The following ZNF264 variants were observed in gnomAD, a reference collection of about 807,000 sequenced individuals.
ZNF264 encodes zinc finger protein 264.
ZNF264 carries 11 observed loss-of-function variants against 11.2 expected under a neutral mutation model. The observed-to-expected ratio is 0.98, with a 90% CI of 0.62 to 1.63. The LOEUF is 1.63. ZNF264 is among the 40% of genes most tolerant of loss of function. ZNF264 has a pLI of 0.00. For missense variants in ZNF264, 752 were observed against 768.1 expected (o/e 0.98, Z 0.25); for synonymous variants, 309 against 279.8 (o/e 1.10, Z -1.04).
At position 57,217,949 on chromosome 19, in the gene ZNF264, A is replaced by C. The variant is rs558907293; in HGVS notation, c.*4968A>C. 1 of 150,048 alleles carries C rather than the reference A, an allele frequency of 6.7e-6. No individual in the cohort carries two copies. The highest frequency in any genetic ancestry group is 2.1e-4 in the South Asian group (1 of 4,714). 9.3% of individuals were successfully genotyped at this position (150,048 alleles called of 1,614,324 possible). On this transcript the variant is annotated 3_prime_UTR_variant, in exon 4 of 4. Transcript: ENST00000263095. ...TGGGATTACAGGTGTGCGCCGCCAC[A>C]CCCAGCTAATTTTGTATTTTTAGTA...
At chr19:57,211,333 T>G in intron 3 of ZNF264, 21 bp from the exon 4 acceptor site, 1 of 1,573,382 alleles carries the variant, frequency 6.4e-7, no homozygotes, top group South Asian at 1.2e-5. Flanking sequence ...CAGGCCCTTT[T>G]GTGTGCTGGA....
chr19:57,213,860 A>G lies in ZNF264; in HGVS notation c.*879A>G, dbSNP rs2087360067. 1 of 152,166 alleles carries G rather than the reference A, an allele frequency of 6.6e-6. No homozygotes were observed. The highest frequency in any genetic ancestry group is 1.5e-5 in the Non-Finnish European group (1 of 68,034). The allele number at this position is 152,166 out of a possible 1,614,324, so 9.4% of individuals were successfully genotyped here. On this transcript the variant is annotated 3_prime_UTR_variant, in exon 4 of 4. Coordinates refer to ENST00000263095, the MANE Select transcript of ZNF264 (RefSeq NM_003417.5). The stretch of plus-strand genomic sequence containing the variant: ...AGTGCAGGAGTAGGCCTCTTAATTT[A>G]TAATAGTTAAGCATTCCTTAAAGTA...
intron 2 of ZNF264, among the ~76,000 whole-genome samples, chr19:57,203,706 G>A (rs1222731421): frequency 6.6e-6 from 1 of 152,080 alleles, no homozygotes; most frequent in Non-Finnish European, 1.5e-5. Context: ...AAATGCAGAG[G>A]TCTGGAATCA....
chr19:57,212,458 C>T lies in ZNF264; in HGVS notation c.1361C>T (p.Pro454Leu). The T allele has an allele frequency of 6.2e-7, 1 of 1,614,118 alleles. No homozygotes were observed. Among genetic ancestry groups the T allele is most frequent in the Non-Finnish European group, 8.5e-7 (1 of 1,180,036 alleles). ...AAAAGGGCCCACACTGGAGAAAAGCCTTTCGAGTGCAAAGAGTGTGGGAAA... is the reference window on the plus strand; with the variant it reads ...AAAAGGGCCCACACTGGAGAAAAGCTTTTCGAGTGCAAAGAGTGTGGGAAA... The part of the protein sequence containing the change: ...LHKRAHTGEK[P>L]FECKECGKAF... The change falls in exon 4 of 4, where the codon CCT becomes CTT. Residue 454 changes from proline (P) to leucine (L), a missense_variant. By Grantham distance (98) the Pro-to-Leu change is moderately conservative. Transcript: ENST00000263095.
chr19:57,194,083 C>T, intron 2 of ZNF264, 82 bp downstream of exon 2: 2 of 1,519,704 alleles, frequency 1.3e-6, no homozygotes, highest in Non-Finnish European at 1.8e-6. Flanking sequence ...CCTGGCTGCA[C>T]AAGAAGGCCT....
rs879841161 is a variant in ZNF264, at chr19:57,222,139, A to G, written c.*9158A>G. On this transcript the variant is annotated 3_prime_UTR_variant, in exon 4 of 4. Transcript: ENST00000263095. The stretch of plus-strand genomic sequence containing the variant: ...TGAGGCGGGTGGATCACTTGAGGTC[A>G]GGAGTTTGAGACCAGCCTAGCCAAC... 6.6e-6 allele frequency: 1 copy of G among 152,050 alleles called. No individual in the cohort carries two copies. Among genetic ancestry groups the G allele is most frequent in the Admixed American group, 6.6e-5 (1 of 15,240 alleles). The allele number at this position is 152,050 out of a possible 1,614,324, so 9.4% of individuals were successfully genotyped here.
rs953704575 is a variant in ZNF264 at position 57,217,690 on chromosome 19, G to C, written c.*4709G>C. 1 of 151,702 alleles carries C rather than the reference G, an allele frequency of 6.6e-6. No individual in the cohort carries two copies. Among genetic ancestry groups the C allele is most frequent in the African/African-American group, 2.4e-5 (1 of 41,262 alleles). 9.4% of individuals were successfully genotyped at this position (151,702 alleles called of 1,614,324 possible). ...GGCCCCCCAAAGTGCTGGGGTTACA[G>C]GTGTGAGCCACTGCACCCGGCCACA... On this transcript the variant is annotated 3_prime_UTR_variant, in exon 4 of 4. Transcript: ENST00000263095.
chr19:57,192,736 CT>C (rs11423777), intron 1 of ZNF264, among the ~76,000 whole-genome samples: 2 of 151,366 alleles, frequency 1.3e-5, no homozygotes, highest in African/African-American at 4.9e-5. Context: ...TGTTCACATA[CT>C]TTTTTTTGTT....
rs888506565 is a variant in ZNF264 at position 57,216,344 on chromosome 19, C to A, written c.*3363C>A. 6.6e-6 allele frequency: 1 copy of A among 152,282 alleles called. No homozygotes were observed. Among genetic ancestry groups the A allele is most frequent in the Non-Finnish European group, 1.5e-5 (1 of 68,102 alleles). 9.4% of individuals were successfully genotyped at this position (152,282 alleles called of 1,614,324 possible). ...CCAGCCTGGGCAACAGAGCGAGACT[C>A]TGTCTCAACAACAACAACAAAAAGT... On this transcript the variant is annotated 3_prime_UTR_variant, in exon 4 of 4. Coordinates refer to ENST00000263095, the MANE Select transcript of ZNF264 (RefSeq NM_003417.5).
At chr19:57,206,637 G>A (rs113647384) in intron 3 of ZNF264, among the ~76,000 whole-genome samples, 2,664 of 152,174 alleles carry the variant, frequency 0.018, 84 homozygotes, top group African/African-American at 0.06. Flanking sequence ...TGACTCATCC[G>A]AATGTCATTA....
chr19:57,207,013 T>C (rs1482271354), intron 3 of ZNF264, among the ~76,000 whole-genome samples: 1 of 143,884 alleles, frequency 7.0e-6, no homozygotes, highest in Non-Finnish European at 1.5e-5. Context: ...GTGCAGTCCC[T>C]GTTCAGCCCT....
chr19:57,207,545 C>CTTTTTTTTTTTTTTTTTTTTTTT (rs757880568), intron 3 of ZNF264, among the ~76,000 whole-genome samples: 7 of 103,078 alleles, frequency 6.8e-5, no homozygotes, highest in East Asian at 2.6e-4. Context: ...TTTTTCTTTT[C>CTTTTTTTTTTTTTTTTTTTTTTT]TTTTTTTTTT....
At chr19:57,209,510 C>A (rs768381844) in intron 3 of ZNF264, among the ~76,000 whole-genome samples, 1 of 152,070 alleles carries the variant, frequency 6.6e-6, no homozygotes, top group African/African-American at 2.4e-5. Flanking sequence ...CTTCATTGAT[C>A]TAGATCATCT....
intron 2 of ZNF264, among the ~76,000 whole-genome samples, chr19:57,199,350 C>T (rs1018530355): frequency 5.1e-4 from 77 of 151,842 alleles, no homozygotes; most frequent in Admixed American, 2.0e-4. Context: ...ATGGACCCTC[C>T]CAGCTGGGAT....
At chr19:57,206,671 G>T (rs2122755926) in intron 3 of ZNF264, among the ~76,000 whole-genome samples, 1 of 150,290 alleles carries the variant, frequency 6.7e-6, no homozygotes, top group South Asian at 2.1e-4. Context: ...GTGATGCTAT[G>T]TTACATTTCC....
chr19:57,199,950 T>C (rs750574882), intron 2 of ZNF264, among the ~76,000 whole-genome samples: 1 of 151,342 alleles, frequency 6.6e-6, no homozygotes, highest in African/African-American at 2.4e-5. Context: ...GTTGCCACTA[T>C]TGGGGATGCC....
intron 2 of ZNF264, 130 bp downstream of exon 2, chr19:57,194,131 A>G: frequency 2.3e-6 from 3 of 1,320,486 alleles, no homozygotes; most frequent in Non-Finnish European, 3.1e-6. Flanking sequence ...AGCTTTAGTC[A>G]TTTTCCACAG....
intron 2 of ZNF264, among the ~76,000 whole-genome samples, chr19:57,200,618 G>A (rs1464234024): frequency 2.0e-5 from 3 of 149,546 alleles, no homozygotes; most frequent in South Asian, 2.1e-4. Flanking sequence ...CTTTTCTTTC[G>A]TTTTCTTTTC....
chr19:57,203,721 AC>A (rs2087270301), intron 2 of ZNF264, among the ~76,000 whole-genome samples: 2 of 152,192 alleles, frequency 1.3e-5, no homozygotes, highest in South Asian at 4.2e-4. Flanking sequence ...GAATCACTGA[AC>A]CTGCCCCTCC....
Sources: allele counts gnomAD v4.1 joint callset (sites outside exome capture counted in the v4.1 genomes callset), GRCh38; gene constraint gnomAD v4.1.1; transcripts MANE v1.5; gene names NCBI Gene and HGNC (gene_info 2026-07-23, HGNC 2026-07-21).